The following CFAP100 variants were observed in gnomAD, a reference collection of about 807,000 sequenced individuals.
The protein encoded by CFAP100 is cilia and flagella associated protein 100, also known as cilia- and flagella-associated protein 100.
In CFAP100, 70 loss-of-function variants were observed where a neutral mutation model predicts 81.5. The observed-to-expected ratio is 0.86, with a 90% CI of 0.71 to 1.05. The LOEUF (loss-of-function observed/expected upper bound fraction) is 1.05. Among genes scored for constraint, CFAP100 ranks in the 50% least tolerant of loss-of-function variants. CFAP100 has a pLI of 0.00. For synonymous variants in CFAP100, 341 were observed against 314.8 expected (o/e 1.08, Z -0.88); for missense variants, 811 against 776.5 (o/e 1.04, Z -0.53).
intron 3 of CFAP100, among the ~76,000 whole-genome samples, chr3:126,410,476 T>G (rs1294378122): frequency 6.6e-6 from 1 of 152,168 alleles, no homozygotes. Context: ...TTCTCTTCCT[T>G]TGTGATCCTT....
rs375621895 is a variant in CFAP100, at chr3:126,426,512, G to A, written c.1286+2868G>A. Among the ~76,000 whole-genome samples the A allele has an allele frequency of 1.6e-4, 24 of 152,174 alleles. No homozygotes were observed. The East Asian group carries it at 4.6e-3, about 29-fold the overall frequency. On this transcript the variant is annotated intron_variant, in intron 13 of 16. Coordinates refer to ENST00000352312, the MANE Select transcript of CFAP100 (RefSeq NM_182628.3). ...CATGCCTGTAATCCCAGCACTTTGG[G>A]AGGCTGAGGCAGGCAGACCATGAGG...
chr3:126,421,205 T>C (rs975234082), intron 11 of CFAP100, among the ~76,000 whole-genome samples: 1 of 152,082 alleles, frequency 6.6e-6, no homozygotes, highest in Non-Finnish European at 1.5e-5. Context: ...GGTTTTGCCA[T>C]GTTGGGCAGG....
At chr3:126,395,867 G>A (rs1014810326) in intron 1 of CFAP100, 75 bp from the exon 2 acceptor site, 1 of 713,948 alleles carries the variant, frequency 1.4e-6, no homozygotes, top group Non-Finnish European at 2.4e-6. Flanking sequence ...AAATGTCGGT[G>A]GCTGTCAGCC....
At chr3:126,430,505 T>A (rs1933170691) in intron 13 of CFAP100, among the ~76,000 whole-genome samples, 1 of 152,118 alleles carries the variant, frequency 6.6e-6, no homozygotes, top group Non-Finnish European at 1.5e-5. Flanking sequence ...AAAATAAAAA[T>A]AAAAAATACT....
intron 5 of CFAP100, chr3:126,418,118 G>A: frequency 3.5e-6 from 1 of 289,732 alleles, no homozygotes; most frequent in Non-Finnish European, 6.6e-6. Context: ...TGGCTAGAAG[G>A]CCTGTGGCTA....
Position 126,423,321 on chromosome 3 carries a change from G to A in CFAP100, c.1083-4G>A, listed in dbSNP as rs1217319055. On this transcript the variant is annotated splice_region_variant and splice_polypyrimidine_tract_variant and intron_variant, in intron 11 of 16. Transcript: ENST00000352312. ...AGAGTCCCGACCCTGCCATCTCTTC[G>A]CAGGTCGAACTCTCCCATCCCCCCC... 2.2e-5 allele frequency: 35 copies of A among 1,612,334 alleles called. No homozygotes were observed. Among genetic ancestry groups the A allele is most frequent in the Middle Eastern group, 3.3e-4 (2 of 6,070 alleles).
chr3:126,431,220 A>G (rs1933211245), intron 13 of CFAP100, among the ~76,000 whole-genome samples: 2 of 152,200 alleles, frequency 1.3e-5, no homozygotes. Context: ...GCCTACAGAC[A>G]GGTGAGGTCT....
intron 2 of CFAP100, among the ~76,000 whole-genome samples, chr3:126,401,397 T>TTA (rs58055481): frequency 0.018 from 1,388 of 75,632 alleles, 31 homozygotes; most frequent in East Asian, 0.03. Context: ...AAATCGTATT[T>TTA]TATATATATA....
At chr3:126,433,039 T>C in intron 13 of CFAP100, 30 bp from the exon 14 acceptor site, 2 of 1,613,168 alleles carry the variant, frequency 1.2e-6, no homozygotes, top group South Asian at 1.1e-5. Context: ...GCTGAGTGAC[T>C]GATGCCCTGC....
chr3:126,429,006 G>A (rs561153083), intron 13 of CFAP100, among the ~76,000 whole-genome samples: 1 of 151,770 alleles, frequency 6.6e-6, no homozygotes, highest in South Asian at 2.1e-4. Flanking sequence ...CTACTTGGGA[G>A]GCTGAAGCAG....
At chr3:126,426,469 A>T (rs1932942140) in intron 13 of CFAP100, among the ~76,000 whole-genome samples, 1 of 148,028 alleles carries the variant, frequency 6.8e-6, no homozygotes, top group South Asian at 2.2e-4. Context: ...AAAAAAAAAA[A>T]GGCTGGGTGC....
chr3:126,424,954 G>A (rs1264938564), intron 13 of CFAP100, among the ~76,000 whole-genome samples: 1 of 152,232 alleles, frequency 6.6e-6, no homozygotes, highest in Non-Finnish European at 1.5e-5. Flanking sequence ...AGGCTTAAGT[G>A]TCCCATGGGG....
intron 4 of CFAP100, among the ~76,000 whole-genome samples, chr3:126,415,306 A>G (rs1473167685): frequency 1.7e-5 from 2 of 120,778 alleles, no homozygotes; most frequent in Non-Finnish European, 3.5e-5. Context: ...CCCACCCAAC[A>G]GGGTCCCCCA....
Position 126,416,499 on chromosome 3 carries a change from T to C in CFAP100, c.409T>C (p.Leu137=), listed in dbSNP as rs1456092025. ...CGACTACACGACCTGGAAGCTCACC[T>C]TGACCAAAGGTGCGTCCCCTCCGGC... The part of the protein sequence containing the change: ...FRDYTTWKLT[L]TKEKNVEPEN... Residue 137 remains leucine (L), a synonymous_variant, in exon 5 of 17, where the codon TTG becomes CTG. Coordinates refer to ENST00000352312, the MANE Select transcript of CFAP100 (RefSeq NM_182628.3). 3 of 1,592,662 alleles carry C rather than the reference T, an allele frequency of 1.9e-6. No homozygotes were observed. In the African/African-American group the frequency reaches 4.0e-5, roughly 21 times the overall value.
intron 2 of CFAP100, among the ~76,000 whole-genome samples, chr3:126,398,032 C>G (rs998108361): frequency 1.3e-5 from 2 of 152,212 alleles, no homozygotes; most frequent in Non-Finnish European, 2.9e-5. Flanking sequence ...GCCTGTGGCC[C>G]GGGAGGACTA....
intron 3 of CFAP100, among the ~76,000 whole-genome samples, chr3:126,412,918 T>C (rs1272081400): frequency 6.6e-6 from 1 of 152,146 alleles, no homozygotes; most frequent in Admixed American, 6.5e-5. Context: ...TCACAGAAAG[T>C]CCCCAGTCTG....
intron 13 of CFAP100, among the ~76,000 whole-genome samples, chr3:126,425,908 A>G (rs989965055): frequency 1.3e-5 from 2 of 152,174 alleles, no homozygotes; most frequent in African/African-American, 4.8e-5. Context: ...AATTTCCTCA[A>G]TTTTGATAAA....
intron 2 of CFAP100, among the ~76,000 whole-genome samples, chr3:126,399,758 T>C (rs2082942784): frequency 6.6e-6 from 1 of 152,214 alleles, no homozygotes; most frequent in Non-Finnish European, 1.5e-5. Context: ...TGCTTGCAGC[T>C]TGCAGGGAAG....
At chr3:126,431,252 CCT>C (rs1318413737) in intron 13 of CFAP100, among the ~76,000 whole-genome samples, 4 of 152,158 alleles carry the variant, frequency 2.6e-5, no homozygotes, top group African/African-American at 9.7e-5. Context: ...GCTATCAGCC[CCT>C]GTGCCTTTTA....
Sources: gnomAD v4.1 joint callset for allele counts (sites outside exome capture counted in the v4.1 genomes callset) on GRCh38, gnomAD v4.1.1 for gene constraint, MANE v1.5 for transcripts, NCBI Gene and HGNC (gene_info 2026-07-23, HGNC 2026-07-21) for gene names.